LCORL: variants seen among roughly 807,000 people sequenced by gnomAD.
LCORL encodes ligand dependent nuclear receptor corepressor like.
Under a neutral mutation model 141.8 loss-of-function variants are expected in LCORL, and 41 were observed. The observed-to-expected ratio is 0.29, with a 90% confidence interval of 0.23 to 0.38. The LOEUF is 0.38. LCORL is among the 10% of genes least tolerant of loss of function. The pLI is 1.00. For missense variants in LCORL, 1,759 were observed against 2,035.0 expected (o/e 0.86, Z 2.61); for synonymous variants, 618 against 694.1 (o/e 0.89, Z 1.72).
intron 1 of LCORL, among the ~76,000 whole-genome samples, chr4:18,019,452 T>C (rs996698977): frequency 6.6e-6 from 1 of 152,196 alleles, no homozygotes; most frequent in Non-Finnish European, 1.5e-5. Flanking sequence ...AAATTTCTTT[T>C]CACATACGAT....
At chr4:17,959,401 C>CA in intron 4 of LCORL, among the ~76,000 whole-genome samples, 1 of 152,102 alleles carries the variant, frequency 6.6e-6, no homozygotes, top group East Asian at 1.9e-4. Flanking sequence ...CTCAAATGTT[C>CA]AGCACACAGA....
At chr4:17,944,690 C>T (rs1031583281) in intron 4 of LCORL, among the ~76,000 whole-genome samples, 2 of 152,108 alleles carry the variant, frequency 1.3e-5, no homozygotes, top group Non-Finnish European at 2.9e-5. Flanking sequence ...TTGGAGAATT[C>T]TTATTTTATG....
intron 6 of LCORL, chr4:17,882,747 T>A (rs1727742693): frequency 1.0e-6 from 1 of 984,216 alleles, no homozygotes; most frequent in Admixed American, 6.2e-5. Context: ...GGTTTTTCAA[T>A]AGTAGGAGTG....
At chr4:17,994,249 T>A (rs1577673868) in intron 1 of LCORL, among the ~76,000 whole-genome samples, 1 of 152,204 alleles carries the variant, frequency 6.6e-6, no homozygotes, top group Admixed American at 6.5e-5. Flanking sequence ...TTCATTGCTA[T>A]ATTGTCATGA....
exon 7 of LCORL, chr4:17,877,611 T>G (rs1727057275): frequency 8.1e-7 from 1 of 1,230,624 alleles, no homozygotes; most frequent in Non-Finnish European, 1.0e-6. Context: ...GGCTGAAATC[T>G]CTGAGATGAC....
chr4:17,917,373 A>AG (rs1229548356), intron 4 of LCORL, among the ~76,000 whole-genome samples: 4 of 151,930 alleles, frequency 2.6e-5, no homozygotes, highest in African/African-American at 7.3e-5. Context: ...TTGTATTTTT[A>AG]GTAGAGATGG....
intron 7 of LCORL, among the ~76,000 whole-genome samples, chr4:17,852,459 A>G (rs1397911684): frequency 6.6e-6 from 1 of 152,152 alleles, no homozygotes; most frequent in African/African-American, 2.4e-5. Context: ...ATGAGAGCCA[A>G]TTAGCATGCT....
intron 4 of LCORL, chr4:17,912,711 A>C: frequency 5.1e-6 from 2 of 394,610 alleles, no homozygotes; most frequent in Non-Finnish European, 4.9e-6. Flanking sequence ...GAGTAGCTCA[A>C]TGGGCTCCTC....
chr4:17,962,329 C>G (rs1413723722), intron 3 of LCORL, among the ~76,000 whole-genome samples: 2 of 151,420 alleles, frequency 1.3e-5, no homozygotes, highest in Non-Finnish European at 1.5e-5. Context: ...TAATGCAATC[C>G]TATCGGAGAG....
At chr4:17,874,950 G>T in exon 7 of LCORL, 1 of 1,233,814 alleles carries the variant, frequency 8.1e-7, no homozygotes, top group Non-Finnish European at 1.0e-6. Flanking sequence ...AAGTGAGCTA[G>T]AAGATGCTAA....
At chr4:17,859,823 G>A (rs192199006) in intron 7 of LCORL, among the ~76,000 whole-genome samples, 19 of 152,150 alleles carry the variant, frequency 1.2e-4, no homozygotes, top group African/African-American at 4.6e-4. Flanking sequence ...AACAGTCCAA[G>A]CTGAGAACCA....
Position 17,884,781 on chromosome 4 carries a change from AC to A in LCORL, c.776+1286del. On this transcript the variant is annotated intron_variant, in intron 6 of 7. Transcript: ENST00000635767. This position sits in a 1 kb window ranked among gnomAD's most constrained non-coding sequence, Gnocchi z 4.4. ...GATGGATGGAATGAAACGATGGTAA[AC>A]TGATGCATGAGAGACTCTCACACAG... The A allele has an allele frequency of 7.9e-7, 1 of 1,263,794 alleles. No homozygotes were observed. Among genetic ancestry groups the A allele is most frequent in the Non-Finnish European group, 1.1e-6 (1 of 938,004 alleles). 78.3% of individuals were successfully genotyped at this position (1,263,794 alleles called of 1,614,324 possible). A position where few individuals can be genotyped will look rare whatever the true frequency, so the allele number is the denominator to read the frequency against.
At chr4:17,994,962 A>C (rs1560457981) in intron 1 of LCORL, among the ~76,000 whole-genome samples, 1 of 152,124 alleles carries the variant, frequency 6.6e-6, no homozygotes, top group Non-Finnish European at 1.5e-5. Flanking sequence ...GTCACTCTGA[A>C]ACCAAAGCTA....
chr4:17,917,207 T>C (rs1034737085), intron 4 of LCORL, among the ~76,000 whole-genome samples: 2 of 151,192 alleles, frequency 1.3e-5, no homozygotes, highest in African/African-American at 4.9e-5. Flanking sequence ...TGTTTTGTTT[T>C]GTTTTTTTTT....
intron 1 of LCORL, among the ~76,000 whole-genome samples, chr4:18,018,880 CAT>C (rs964766511): frequency 2.2e-4 from 34 of 152,242 alleles, no homozygotes; most frequent in African/African-American, 7.5e-4. Context: ...TGAATATACA[CAT>C]ATGTGTACGC....
chr4:17,875,227 T>G, exon 7 of LCORL: 3 of 1,231,606 alleles, frequency 2.4e-6, no homozygotes, highest in Non-Finnish European at 3.0e-6. Flanking sequence ...ATGCCAGAGA[T>G]TTTCACTTTT....
intron 1 of LCORL, among the ~76,000 whole-genome samples, chr4:18,002,165 C>A (rs1577700998): frequency 1.3e-5 from 2 of 152,162 alleles, no homozygotes; most frequent in African/African-American, 4.8e-5. Flanking sequence ...GGTCTTTCTA[C>A]CCATTAGTTA....
intron 7 of LCORL, among the ~76,000 whole-genome samples, chr4:17,853,992 G>A (rs1034221297): frequency 6.6e-6 from 1 of 152,142 alleles, no homozygotes; most frequent in Admixed American, 6.6e-5. Flanking sequence ...ACAGCAGCAT[G>A]CAATAAATAT....
At chr4:17,911,970 G>C in intron 4 of LCORL, 1 of 615,010 alleles carries the variant, frequency 1.6e-6, no homozygotes, top group South Asian at 1.4e-5. Context: ...ATGACTGCTT[G>C]GCCTCCTACC....
Sources: gnomAD v4.1 joint callset for allele counts (sites outside exome capture counted in the v4.1 genomes callset) on GRCh38, gnomAD v4.1.1 for gene constraint, Gnocchi (gnomAD v3.1) non-coding constraint, MANE v1.5 for transcripts, NCBI Gene and HGNC (gene_info 2026-07-23, HGNC 2026-07-21) for gene names.